The following PLCB1 variants were observed in gnomAD, a reference collection of about 807,000 sequenced individuals.
The protein encoded by PLCB1 is phospholipase C beta 1.
A neutral mutation model predicts 161.8 loss-of-function variants in PLCB1; 46 were observed. The observed-to-expected ratio is 0.28, with a 90% CI of 0.22 to 0.36. PLCB1 has a LOEUF of 0.36. PLCB1 is among the 10% of genes least tolerant of loss of function. The pLI, the probability that PLCB1 is intolerant of heterozygous loss-of-function variation, is 1.00. For synonymous variants in PLCB1, 517 were observed against 503.7 expected (o/e 1.03, Z -0.35); for missense variants, 1,016 against 1,472.5 (o/e 0.69, Z 5.07).
intron 3 of PLCB1, among the ~76,000 whole-genome samples, chr20:8,459,447 T>C (rs1027041064): frequency 6.6e-6 from 1 of 152,200 alleles, no homozygotes; most frequent in Non-Finnish European, 1.5e-5. Flanking sequence ...GCTGCCTTTA[T>C]TGGTGTTACC....
intron 2 of PLCB1, among the ~76,000 whole-genome samples, chr20:8,288,239 G>A (rs1230141013): frequency 1.5e-5 from 2 of 137,906 alleles, no homozygotes; most frequent in African/African-American, 5.7e-5. Flanking sequence ...TGTCCTTGAG[G>A]GGCCTGGAGG....
intron 2 of PLCB1, among the ~76,000 whole-genome samples, chr20:8,251,283 G>A (rs781213858): frequency 4.6e-5 from 7 of 151,902 alleles, no homozygotes; most frequent in Non-Finnish European, 1.0e-4. Context: ...TAGGAATTTG[G>A]GGGGAACACA....
chr20:8,763,602 G>C (rs185173157), intron 25 of PLCB1, among the ~76,000 whole-genome samples: 1 of 151,918 alleles, frequency 6.6e-6, no homozygotes, highest in Non-Finnish European at 1.5e-5. Flanking sequence ...GGCCAGGCTG[G>C]TCTCGAACTC....
At chr20:8,417,069 ATATATTT>A (rs1568667979) in intron 3 of PLCB1, among the ~76,000 whole-genome samples, 27 of 84,086 alleles carry the variant, frequency 3.2e-4, no homozygotes, top group African/African-American at 1.1e-3. Context: ...ATATATATAT[ATATATTT>A]TTTTTTTTTT....
At chr20:8,236,338 C>T (rs1450521489) in intron 2 of PLCB1, among the ~76,000 whole-genome samples, 1 of 151,846 alleles carries the variant, frequency 6.6e-6, no homozygotes. Flanking sequence ...TGAAATCAGC[C>T]CAGATAACAT....
At chr20:8,720,842 T>C (rs1979586010) in intron 14 of PLCB1, among the ~76,000 whole-genome samples, 1 of 122,980 alleles carries the variant, frequency 8.1e-6, no homozygotes, top group Non-Finnish European at 1.7e-5. Flanking sequence ...GAATCCCCTC[T>C]CTGATTTTTT....
intron 3 of PLCB1, among the ~76,000 whole-genome samples, chr20:8,514,733 T>A (rs1226202833): frequency 2.6e-5 from 4 of 152,170 alleles, no homozygotes; most frequent in African/African-American, 9.7e-5. Context: ...AAACAGTATC[T>A]TTTTGCTAGT....
intron 2 of PLCB1, among the ~76,000 whole-genome samples, chr20:8,358,331 C>T (rs1325845907): frequency 6.6e-6 from 1 of 152,176 alleles, no homozygotes; most frequent in Non-Finnish European, 1.5e-5. Context: ...TCATTGCAAC[C>T]TCCGCCTCCC....
At chr20:8,878,920 T>C (rs1987875221) in intron 31 of PLCB1, among the ~76,000 whole-genome samples, 2 of 152,082 alleles carry the variant, frequency 1.3e-5, no homozygotes, top group Non-Finnish European at 1.5e-5. Context: ...ATAATAAACA[T>C]AGTACCCAGC....
chr20:8,253,437 C>A (rs1177672199), intron 2 of PLCB1, among the ~76,000 whole-genome samples: 2 of 151,942 alleles, frequency 1.3e-5, no homozygotes, highest in African/African-American at 4.8e-5. Context: ...ACGAGACTGA[C>A]ATATTTATCC....
intron 4 of PLCB1, among the ~76,000 whole-genome samples, chr20:8,636,558 G>T (rs527302444): frequency 6.6e-6 from 1 of 152,248 alleles, no homozygotes; most frequent in East Asian, 1.9e-4. Context: ...GTATTAAAAA[G>T]ATTTTTATTA....
chr20:8,324,022 T>C (rs549126975), intron 2 of PLCB1, among the ~76,000 whole-genome samples: 10 of 152,332 alleles, frequency 6.6e-5, no homozygotes, highest in Admixed American at 3.9e-4. Flanking sequence ...TGTTGATTTC[T>C]AAATCAAGAA....
chr20:8,316,799 T>C (rs548732862), intron 2 of PLCB1, among the ~76,000 whole-genome samples: 3 of 152,130 alleles, frequency 2.0e-5, no homozygotes, highest in African/African-American at 7.2e-5. Flanking sequence ...GTTGGGAGGA[T>C]TCAAGGCAGA....
At chr20:8,437,614 ATTTG>A (rs1246011880) in intron 3 of PLCB1, among the ~76,000 whole-genome samples, 1 of 152,066 alleles carries the variant, frequency 6.6e-6, no homozygotes, top group African/African-American at 2.4e-5. Context: ...TTTACCATCT[ATTTG>A]TTCTCTCTGG....
chr20:8,261,101 C>T (rs1235802671), intron 2 of PLCB1, among the ~76,000 whole-genome samples: 1 of 152,088 alleles, frequency 6.6e-6, no homozygotes, highest in Non-Finnish European at 1.5e-5. Flanking sequence ...TTGTCAAGCT[C>T]CTTCTACTGC....
chr20:8,797,526 T>C (rs1984088173), intron 31 of PLCB1, among the ~76,000 whole-genome samples: 1 of 152,254 alleles, frequency 6.6e-6, no homozygotes, highest in South Asian at 2.1e-4. Flanking sequence ...GGGCAATTTT[T>C]TTTCCTACAC....
chr20:8,708,053 G>A (rs1203521050), intron 11 of PLCB1, among the ~76,000 whole-genome samples: 2 of 152,082 alleles, frequency 1.3e-5, no homozygotes, highest in Admixed American at 6.6e-5. Context: ...GTGACTGCTA[G>A]TGGGTACATG....
intron 3 of PLCB1, among the ~76,000 whole-genome samples, chr20:8,435,336 A>G (rs1485779802): frequency 6.6e-6 from 1 of 152,160 alleles, no homozygotes; most frequent in African/African-American, 2.4e-5. Context: ...GTTTGCTTCT[A>G]CCCGGTAGAA....
chr20:8,455,432 CTTTTTTTTTTTTTTT>C (rs1175763739), intron 3 of PLCB1, among the ~76,000 whole-genome samples: 2 of 74,166 alleles, frequency 2.7e-5, no homozygotes, highest in South Asian at 5.0e-4. Context: ...TATTCTTCCT[CTTTTTTTTTTTTTTT>C]TTTTTTTTTT....
Sources: gnomAD v4.1 joint callset for allele counts (sites outside exome capture counted in the v4.1 genomes callset) on GRCh38, gnomAD v4.1.1 for gene constraint, MANE v1.5 for transcripts, NCBI Gene and HGNC (gene_info 2026-07-23, HGNC 2026-07-21) for gene names.